ZNF148: variants seen among roughly 807,000 people sequenced by gnomAD.
ZNF148 encodes the protein Beta-Enolase Repressor Factor-1.
ZNF148 carries 7 observed loss-of-function variants against 67.7 expected under a neutral mutation model. The observed-to-expected ratio is 0.10, with a 90% confidence interval of 0.06 to 0.19. The LOEUF (loss-of-function observed/expected upper bound fraction) is 0.19, where lower values mean the gene tolerates loss of function less well. ZNF148 is among the 10% of genes least tolerant of loss of function. The pLI is 1.00. For synonymous variants in ZNF148, 333 were observed against 330.7 expected (o/e 1.01, Z -0.08); for missense variants, 583 against 947.1 (o/e 0.62, Z 5.05).
At chr3:125,325,749 T>C (rs1483215516) in intron 2 of ZNF148, among the ~76,000 whole-genome samples, 1 of 152,174 alleles carries the variant, frequency 6.6e-6, no homozygotes, top group Non-Finnish European at 1.5e-5. Context: ...GCTGGGATTA[T>C]AGGTATGAGC....
chr3:125,236,679 G>A (rs916830203), intron 7 of ZNF148, among the ~76,000 whole-genome samples: 8 of 152,194 alleles, frequency 5.3e-5, no homozygotes, highest in Non-Finnish European at 2.9e-5. Context: ...TTACTGCAGA[G>A]CTACCAAATT....
chr3:125,241,773 A>G (rs937202018), intron 7 of ZNF148, among the ~76,000 whole-genome samples: 1 of 152,228 alleles, frequency 6.6e-6, no homozygotes, highest in African/African-American at 2.4e-5. Flanking sequence ...AAACACTCAT[A>G]AAAAGAATTT....
intron 2 of ZNF148, among the ~76,000 whole-genome samples, chr3:125,328,983 G>A (rs1160854123): frequency 3.0e-5 from 4 of 131,458 alleles, no homozygotes; most frequent in South Asian, 2.4e-4. Flanking sequence ...TTTTCCCTTC[G>A]GAATTTATAC....
chr3:125,263,051 A>C (rs1937411696), intron 7 of ZNF148, among the ~76,000 whole-genome samples: 1 of 152,196 alleles, frequency 6.6e-6, no homozygotes, highest in Non-Finnish European at 1.5e-5. Flanking sequence ...GTTTATATTA[A>C]AATGTTTTGT....
intron 1 of ZNF148, among the ~76,000 whole-genome samples, chr3:125,371,380 G>T (rs1434159671): frequency 7.3e-6 from 1 of 137,800 alleles, no homozygotes; most frequent in African/African-American, 2.6e-5. Flanking sequence ...AAAGGGGGGG[G>T]GGGGGGCAGG....
At chr3:125,256,452 G>A (rs565865891) in intron 7 of ZNF148, among the ~76,000 whole-genome samples, 21 of 152,002 alleles carry the variant, frequency 1.4e-4, no homozygotes, top group African/African-American at 3.9e-4. Flanking sequence ...CAAGGCGGGC[G>A]GATCACCTGA....
chr3:125,261,730 G>GACA (rs1473298822), intron 7 of ZNF148, among the ~76,000 whole-genome samples: 2 of 151,490 alleles, frequency 1.3e-5, no homozygotes, highest in African/African-American at 4.8e-5. Flanking sequence ...ACATGACCAT[G>GACA]ACAGAGGAAG....
chr3:125,317,662 T>TAGAGAGAGAGAGAGAGAGAGAGAGAG (rs1553708261), intron 3 of ZNF148, among the ~76,000 whole-genome samples: 189 of 89,996 alleles, frequency 2.1e-3, no homozygotes, highest in Admixed American at 3.5e-3. Context: ...TATATATATA[T>TAGAGAGAGAGAGAGAGAGAGAGAGAG]AGAGAGAGAG....
chr3:125,311,389 T>A (rs1286370593), intron 4 of ZNF148: 1 of 152,384 alleles, frequency 6.6e-6, no homozygotes. Flanking sequence ...TGAGAACTCA[T>A]ACCTTTTTCT....
At chr3:125,245,925 T>A (rs9859543) in intron 7 of ZNF148, among the ~76,000 whole-genome samples, 120,249 of 152,180 alleles carry the variant, frequency 0.79, 48,328 homozygotes, top group African/African-American at 0.92. Flanking sequence ...TCCTCTATTC[T>A]TCTGGCCCCT....
intron 1 of ZNF148, among the ~76,000 whole-genome samples, chr3:125,365,279 G>A (rs1942666984): frequency 6.6e-6 from 1 of 152,010 alleles, no homozygotes; most frequent in Non-Finnish European, 1.5e-5. Flanking sequence ...AATATACCCT[G>A]AACGAATAAA....
At position 125,232,118 on chromosome 3, in the gene ZNF148, G is replaced by T; in HGVS notation, c.*223C>A. ...ATAGCAAGTTTCTGATCTAAAACAA[G>T]TAATGCATTGCTTCTATAAAGGTGA... On this transcript the variant is annotated 3_prime_UTR_variant, in exon 9 of 9. Transcript: ENST00000360647. This position sits in a 1 kb window ranked among gnomAD's most constrained non-coding sequence, Gnocchi z 4.2. The T allele has an allele frequency of 2.2e-6, 1 of 448,442 alleles. No homozygotes were observed. Among genetic ancestry groups the T allele is most frequent in the Non-Finnish European group, 3.8e-6 (1 of 262,000 alleles). The allele number at this position is 448,442 out of a possible 1,614,324, so 27.8% of individuals were successfully genotyped here. A position where few individuals can be genotyped will look rare whatever the true frequency, so the allele number is the denominator to read the frequency against.
intron 7 of ZNF148, among the ~76,000 whole-genome samples, chr3:125,245,369 C>T (rs989339701): frequency 2.6e-5 from 4 of 152,206 alleles, no homozygotes; most frequent in Non-Finnish European, 5.9e-5. Context: ...CGCTTTCTCT[C>T]ACCTGCCACC....
chr3:125,274,025 A>T (rs1425773267), intron 7 of ZNF148, among the ~76,000 whole-genome samples: 1 of 152,224 alleles, frequency 6.6e-6, no homozygotes, highest in Non-Finnish European at 1.5e-5. Flanking sequence ...AGTTTCTTAG[A>T]GTAAAATGCT....
At chr3:125,236,500 C>T (rs1179102596) in intron 7 of ZNF148, among the ~76,000 whole-genome samples, 3 of 151,332 alleles carry the variant, frequency 2.0e-5, no homozygotes, top group Non-Finnish European at 4.4e-5. Context: ...AGCTGAGTAG[C>T]AGAGAGATTA....
chr3:125,257,377 A>C (rs1028712397), intron 7 of ZNF148, among the ~76,000 whole-genome samples: 4 of 151,998 alleles, frequency 2.6e-5, no homozygotes, highest in African/African-American at 9.6e-5. Context: ...AACATGGCGA[A>C]ACCCCGTCTC....
At chr3:125,234,138 A>T (rs1935977239) in intron 8 of ZNF148, 73 bp downstream of exon 8, 1 of 1,243,106 alleles carries the variant, frequency 8.0e-7, no homozygotes, top group Admixed American at 2.1e-5. Flanking sequence ...CTAAGTTGTA[A>T]TATTTTCTAA....
At chr3:125,298,128 G>A (rs910965564) in intron 4 of ZNF148, among the ~76,000 whole-genome samples, 2 of 152,112 alleles carry the variant, frequency 1.3e-5, no homozygotes. Context: ...AAAACTAATA[G>A]ACTATGACAA....
At chr3:125,308,763 G>A (rs1362097163) in intron 4 of ZNF148, among the ~76,000 whole-genome samples, 2 of 151,976 alleles carry the variant, frequency 1.3e-5, no homozygotes, top group Non-Finnish European at 2.9e-5. Flanking sequence ...ACACAAACAC[G>A]TACCAAGAGA....
Sources: allele counts gnomAD v4.1 joint callset (sites outside exome capture counted in the v4.1 genomes callset), GRCh38; gene constraint gnomAD v4.1.1; non-coding constraint Gnocchi (gnomAD v3.1); transcripts MANE v1.5; gene names NCBI Gene and HGNC (gene_info 2026-07-23, HGNC 2026-07-21).